TECR: variants seen among roughly 807,000 people sequenced by gnomAD.
The protein encoded by TECR is trans-2,3-enoyl-CoA reductase, also known as very-long-chain enoyl-CoA reductase.
Under a neutral mutation model 50.6 loss-of-function variants are expected in TECR, and 19 were observed. The ratio of observed to expected loss-of-function variants is 0.38; its 90% CI spans 0.26 to 0.55. The LOEUF is 0.55. Among genes scored for constraint, TECR ranks in the 20% least tolerant of loss-of-function variants. The pLI, the probability that TECR is intolerant of heterozygous loss-of-function variation, is 0.79. For missense variants in TECR, 313 were observed against 408.3 expected, an observed-to-expected ratio of 0.77 and a Z score of 2.01; for synonymous variants, 168 against 163.5, an observed-to-expected ratio of 1.03 and a Z score of -0.21.
At chr19:14,529,847 G>GT in intron 1 of TECR, 136 bp downstream of exon 1, 1 of 1,227,618 alleles carries the variant, frequency 8.1e-7, no homozygotes, top group East Asian at 2.5e-5. Flanking sequence ...GTGGGCAAGC[G>GT]TTGCGCCCCG....
chr19:14,535,523 A>T (rs2072835523), intron 1 of TECR, among the ~76,000 whole-genome samples: 1 of 58,026 alleles, frequency 1.7e-5, no homozygotes, highest in African/African-American at 8.8e-5. Context: ...AAAAAAAAAA[A>T]AAAAAAAAAA....
intron 1 of TECR, among the ~76,000 whole-genome samples, chr19:14,552,522 C>G (rs1285753989): frequency 6.6e-6 from 1 of 151,420 alleles, no homozygotes; most frequent in East Asian, 1.9e-4. Flanking sequence ...GCATCACAGT[C>G]TTTTTCTTTT....
chr19:14,549,703 G>A (rs573922905), intron 1 of TECR, among the ~76,000 whole-genome samples: 6 of 152,158 alleles, frequency 3.9e-5, no homozygotes, highest in East Asian at 2.0e-4. Flanking sequence ...CCAGCACTTA[G>A]GGAGGCTTAG....
chr19:14,545,301 A>G (rs1188600373), intron 1 of TECR: 1 of 426,232 alleles, frequency 2.3e-6, no homozygotes, highest in East Asian at 7.1e-5. Flanking sequence ...GTGCTACCCC[A>G]GGGCCTTTGC....
At chr19:14,562,734 T>G (rs544018185) in intron 2 of TECR, among the ~76,000 whole-genome samples, 159 bp downstream of exon 2, 11 of 152,140 alleles carry the variant, frequency 7.2e-5, no homozygotes, top group African/African-American at 2.2e-4. Context: ...CCATGTCCCC[T>G]GGGTGTGGCG....
In TECR at chr19:14,529,609, G is replaced by A; in HGVS notation, c.-88G>A. 1.3e-6 allele frequency: 2 copies of A among 1,597,374 alleles called. No individual in the cohort carries two copies. The highest frequency in any genetic ancestry group is 1.7e-6 in the Non-Finnish European group (2 of 1,165,606). On this transcript the variant is annotated 5_prime_UTR_variant, in exon 1 of 13. Coordinates refer to ENST00000215567, the MANE Select transcript of TECR (RefSeq NM_138501.6). ...GCAGAGCCGCGTTTAGTCTATCGCT[G>A]CGGTTGCGAGCGCTGTAGGGAGCCT...
chr19:14,565,431 T>C, intron 11 of TECR, 141 bp downstream of exon 11: 1 of 1,353,740 alleles, frequency 7.4e-7, no homozygotes, highest in Non-Finnish European at 1.0e-6. Context: ...CCGCGGCCTC[T>C]CTGCTGTGGT....
At chr19:14,557,114 C>T (rs978479255) in intron 1 of TECR, among the ~76,000 whole-genome samples, 4 of 140,450 alleles carry the variant, frequency 2.8e-5, no homozygotes, top group Non-Finnish European at 4.6e-5. Context: ...TTGGTCTAAT[C>T]TTATTTATTT....
At chr19:14,535,492 G>A (rs1231424649) in intron 1 of TECR, among the ~76,000 whole-genome samples, 62 of 100,408 alleles carry the variant, frequency 6.2e-4, no homozygotes, top group African/African-American at 2.5e-3. Context: ...GGGCGACAGA[G>A]CGAGACTCCG....
At chr19:14,554,308 C>T (rs367573794) in intron 1 of TECR, among the ~76,000 whole-genome samples, 2 of 152,280 alleles carry the variant, frequency 1.3e-5, no homozygotes, top group East Asian at 1.9e-4. Context: ...CACCATTAGG[C>T]AGGTCACGTC....
At chr19:14,548,015 G>GTGC (rs895928418) in intron 1 of TECR, among the ~76,000 whole-genome samples, 150 of 149,316 alleles carry the variant, frequency 1.0e-3, no homozygotes, top group Non-Finnish European at 1.7e-3. Context: ...CCAGGCTGGA[G>GTGC]TGCAGTGGTG....
chr19:14,543,499 C>T lies in TECR; in HGVS notation c.15+13788C>T, dbSNP rs1165780152. Among the ~76,000 whole-genome samples the T allele has an allele frequency of 1.4e-4, 16 of 113,304 alleles. No individual in the cohort carries two copies. The East Asian group carries it at 4.0e-3, about 29-fold the overall frequency. 74.3% of individuals were successfully genotyped at this position (113,304 alleles called of 152,430 possible). Reference sequence around the variant, plus strand: ...TGTCGCCCAGGCTGGAGTGCAGTGGCGCGATCTAGGCTCACTGCAAGCTCC... The same window carrying T: ...TGTCGCCCAGGCTGGAGTGCAGTGGTGCGATCTAGGCTCACTGCAAGCTCC... On this transcript the variant is annotated intron_variant, in intron 1 of 12. Coordinates refer to ENST00000215567, the MANE Select transcript of TECR (RefSeq NM_138501.6).
chr19:14,557,116 T>TAATTAATTAATTA (rs1568422129), intron 1 of TECR, among the ~76,000 whole-genome samples: 34 of 133,886 alleles, frequency 2.5e-4, no homozygotes, highest in African/African-American at 1.0e-3. Context: ...GGTCTAATCT[T>TAATTAATTAATTA]ATTTATTTAT....
Position 14,565,776 on chromosome 19 carries a change from A to T in TECR, c.832A>T (p.Met278Leu). ...GTTCTCCCTGGTGGGCTTCACCCAG[A>T]TGACCATCTGGGCCAAGGGCAAGCA... ...ALFSLVGFTQ[M>L]TIWAKGKHRS... The change falls in exon 13 of 13, where the codon ATG becomes TTG. Residue 278 changes from methionine (M) to leucine (L), a missense_variant. Transcript: ENST00000215567. 6.2e-7 allele frequency: 1 copy of T among 1,610,938 alleles called. No individual in the cohort carries two copies. The highest frequency in any genetic ancestry group is 8.5e-7 in the Non-Finnish European group (1 of 1,179,272).
At chr19:14,564,459 C>A (rs1231266082) in intron 7 of TECR, among the ~76,000 whole-genome samples, 172 bp downstream of exon 7, 1 of 135,526 alleles carries the variant, frequency 7.4e-6, no homozygotes, top group Non-Finnish European at 1.6e-5. Flanking sequence ...GCCTCTAGAC[C>A]CCGCCCGTCC....
chr19:14,529,940 T>G, intron 1 of TECR: 1 of 626,984 alleles, frequency 1.6e-6, no homozygotes, highest in East Asian at 2.8e-5. Context: ...GTACTTTTTC[T>G]TGGGGGTCTC....
chr19:14,555,438 CTTTTTTTTTTTTTT>C (rs747503834), intron 1 of TECR, among the ~76,000 whole-genome samples: 2 of 92,882 alleles, frequency 2.2e-5, no homozygotes, highest in Admixed American at 1.1e-4. Context: ...TTTATTTATT[CTTTTTTTTTTTTTT>C]TTTTTTTTTT....
chr19:14,541,885 C>T (rs143019578), intron 1 of TECR, among the ~76,000 whole-genome samples: 1,775 of 151,520 alleles, frequency 0.012, 40 homozygotes, highest in African/African-American at 0.04. Context: ...TGGGTTCAAG[C>T]GATTCTCCTG....
At chr19:14,545,175 T>C (rs1032825928) in intron 1 of TECR, 1 of 456,752 alleles carries the variant, frequency 2.2e-6, no homozygotes, top group Middle Eastern at 3.3e-4. Flanking sequence ...TCCTCATTGC[T>C]CAAGGGTAAA....
Sources: gnomAD v4.1 joint callset for allele counts (sites outside exome capture counted in the v4.1 genomes callset) on GRCh38, gnomAD v4.1.1 for gene constraint, MANE v1.5 for transcripts, NCBI Gene and HGNC (gene_info 2026-07-23, HGNC 2026-07-21) for gene names.